NSD2: variants seen among roughly 807,000 people sequenced by gnomAD.
NSD2 encodes histone-lysine N-methyltransferase NSD2.
A neutral mutation model predicts 139.0 loss-of-function variants in NSD2; 12 were observed. The ratio of observed to expected loss-of-function variants is 0.09; its 90% CI spans 0.06 to 0.14. The LOEUF is 0.14. NSD2 is among the 10% of genes least tolerant of loss of function. The pLI is 1.00. For missense variants in NSD2, 1,155 were observed against 1,745.0 expected (o/e 0.66, Z 6.02); for synonymous variants, 669 against 648.7 (o/e 1.03, Z -0.48).
At chr4:1,887,458 GA>G in intron 1 of NSD2, 1 of 152,142 alleles carries the variant, frequency 6.6e-6, no homozygotes, top group Non-Finnish European at 1.5e-5. Flanking sequence ...TTGGTAGAGT[GA>G]CAAAGAATTA....
At chr4:1,954,020 C>T (rs866708252) in intron 12 of NSD2, among the ~76,000 whole-genome samples, 1 of 151,150 alleles carries the variant, frequency 6.6e-6, no homozygotes, top group African/African-American at 2.5e-5. Context: ...AAATCTCCCT[C>T]TGTTGCCCAG....
At position 1,951,057 on chromosome 4, in the gene NSD2, C is replaced by T. The variant is rs762403842; in HGVS notation, c.1882-15C>T. The T allele has an allele frequency of 1.9e-6, 3 of 1,613,686 alleles. No individual in the cohort carries two copies. Among genetic ancestry groups the T allele is most frequent in the Admixed American group, 1.7e-5 (1 of 60,002 alleles). Reference sequence around the variant, plus strand: ...CTGCGACTAGTGAACTGTCATCCGCCTCCTTCATCTCTAGGTCTCGGACAG... The same window carrying T: ...CTGCGACTAGTGAACTGTCATCCGCTTCCTTCATCTCTAGGTCTCGGACAG... On this transcript the variant is annotated splice_polypyrimidine_tract_variant and intron_variant, in intron 9 of 21. Coordinates refer to ENST00000508803, the MANE Select transcript of NSD2 (RefSeq NM_001042424.3).
In NSD2 at chr4:1,948,761, T is replaced by C. The variant is rs949714733; in HGVS notation, c.1882-2311T>C. On this transcript the variant is annotated intron_variant, in intron 9 of 21. Transcript: ENST00000508803. This position sits in a 1 kb window ranked among gnomAD's most constrained non-coding sequence, Gnocchi z 4.5. Reference sequence around the variant, plus strand: ...TGTTAATGTAGGAAATCTCTCCAAGTGGAAACGTGCTAACTTTTTCTGTAA... The same window carrying C: ...TGTTAATGTAGGAAATCTCTCCAAGCGGAAACGTGCTAACTTTTTCTGTAA... 6 of 1,046,106 alleles carry C rather than the reference T, an allele frequency of 5.7e-6. No individual in the cohort carries two copies. The highest frequency in any genetic ancestry group is 4.6e-6 in the Non-Finnish European group (4 of 866,254). The allele number at this position is 1,046,106 out of a possible 1,614,324, so 64.8% of individuals were successfully genotyped here. A position where few individuals can be genotyped will look rare whatever the true frequency, so the allele number is the denominator to read the frequency against.
intron 8 of NSD2, 61 bp downstream of exon 8, chr4:1,938,593 T>TTGGGGGGGCCCCGGGGGGGGGGGGGGGGG: frequency 1.9e-6 from 1 of 515,360 alleles, no homozygotes; most frequent in Non-Finnish European, 3.7e-6. Flanking sequence ...GCTGGGTGGG[T>TTGGGGGGGCCCCGGGGGGGGGGGGGGGGG]GGGCTGAGAG....
chr4:1,954,171 G>A (rs192738902), intron 12 of NSD2, among the ~76,000 whole-genome samples: 3 of 152,160 alleles, frequency 2.0e-5, no homozygotes, highest in Admixed American at 2.0e-4. Context: ...TTTTAGTAGA[G>A]ACGGGGTTTC....
intron 1 of NSD2, chr4:1,892,223 C>T (rs551652781): frequency 5.2e-5 from 8 of 152,424 alleles, no homozygotes; most frequent in Non-Finnish European, 7.3e-5. Context: ...TGGGCTCAAG[C>T]GATCCTCCTG....
chr4:1,939,608 C>T (rs1329160769), intron 8 of NSD2, 46 bp from the exon 9 acceptor site: 1 of 1,584,980 alleles, frequency 6.3e-7, no homozygotes. Context: ...GTAAAAAGAT[C>T]AAGGGTTTAT....
intron 1 of NSD2, among the ~76,000 whole-genome samples, chr4:1,881,543 G>A (rs1392849366): frequency 2.0e-5 from 3 of 152,104 alleles, no homozygotes; most frequent in Admixed American, 2.0e-4. Flanking sequence ...GATTACAGGC[G>A]TGAGCCACCG....
At chr4:1,939,887 C>T in intron 9 of NSD2, 109 bp downstream of exon 9, 2 of 1,583,080 alleles carry the variant, frequency 1.3e-6, no homozygotes, top group Non-Finnish European at 1.7e-6. Context: ...CATTGGTGCT[C>T]ACTGCCAGTG....
chr4:1,902,468 C>T (rs1329116624), intron 2 of NSD2, among the ~76,000 whole-genome samples: 1 of 152,116 alleles, frequency 6.6e-6, no homozygotes, highest in Non-Finnish European at 1.5e-5. Flanking sequence ...AAACGATCCT[C>T]CCACCTCTGC....
rs773445820 is a variant in NSD2, at chr4:1,974,771, CTTG to C, written c.3373-89_3373-87del. On this transcript the variant is annotated intron_variant, in intron 18 of 21. Coordinates refer to ENST00000508803, the MANE Select transcript of NSD2 (RefSeq NM_001042424.3). This position sits in a 1 kb window ranked among gnomAD's most constrained non-coding sequence, Gnocchi z 4.0. ...GTTTTCAGTACAACAAGGAACACAACTTGTTCAATGTGCTTTATGATGGTGAAA... is the reference window on the plus strand; with the variant it reads ...GTTTTCAGTACAACAAGGAACACAACTTCAATGTGCTTTATGATGGTGAAA... The C allele has an allele frequency of 6.4e-7, 1 of 1,562,782 alleles. No individual in the cohort carries two copies. The highest frequency in any genetic ancestry group is 1.7e-5 in the Admixed American group (1 of 59,730).
At chr4:1,930,544 C>T (rs538341690) in intron 5 of NSD2, 82 bp from the exon 6 acceptor site, 53 of 1,401,596 alleles carry the variant, frequency 3.8e-5, no homozygotes, top group Non-Finnish European at 4.8e-5. Context: ...TCTAAAGGGC[C>T]GTGCATTTGA....
intron 3 of NSD2, among the ~76,000 whole-genome samples, chr4:1,907,611 A>ATC (rs1192752954): frequency 2.3e-4 from 31 of 135,182 alleles, no homozygotes; most frequent in Non-Finnish European, 3.9e-4. Context: ...TACCTGTTGA[A>ATC]TCTCTTTTTT....
intron 3 of NSD2, among the ~76,000 whole-genome samples, chr4:1,905,963 C>G (rs1292221762): frequency 6.6e-6 from 1 of 152,188 alleles, no homozygotes; most frequent in African/African-American, 2.4e-5. Context: ...CTTCAAGCCT[C>G]TGCAGCCCGG....
At chr4:1,945,817 C>T (rs1000836710) in intron 9 of NSD2, 24 of 1,063,974 alleles carry the variant, frequency 2.3e-5, no homozygotes, top group Non-Finnish European at 2.6e-5. Flanking sequence ...ATTCCCCTCG[C>T]TGGAGAGGCT....
At chr4:1,893,302 T>A (rs1429755625) in intron 1 of NSD2, among the ~76,000 whole-genome samples, 3 of 152,128 alleles carry the variant, frequency 2.0e-5, no homozygotes, top group African/African-American at 7.2e-5. Context: ...ACCCCGTCTC[T>A]ACTAAAAGTA....
At chr4:1,960,922 A>G (rs1725301441) in intron 17 of NSD2, 113 bp from the exon 18 acceptor site, 5 of 723,234 alleles carry the variant, frequency 6.9e-6, no homozygotes, top group Non-Finnish European at 1.2e-5. Flanking sequence ...CCACGGAGGT[A>G]TGCTGATGTG....
At chr4:1,880,160 A>C (rs1282046436) in intron 1 of NSD2, among the ~76,000 whole-genome samples, 1 of 152,104 alleles carries the variant, frequency 6.6e-6, no homozygotes, top group Non-Finnish European at 1.5e-5. Context: ...CAAAATTCGG[A>C]GTTGGTGTAA....
At chr4:1,932,060 C>G (rs1721698248) in intron 6 of NSD2, among the ~76,000 whole-genome samples, 1 of 152,162 alleles carries the variant, frequency 6.6e-6, no homozygotes, top group Non-Finnish European at 1.5e-5. Flanking sequence ...GTCCTTTAAT[C>G]CTGACTTTCA....
Sources: gnomAD v4.1 joint callset for allele counts (sites outside exome capture counted in the v4.1 genomes callset) on GRCh38, gnomAD v4.1.1 for gene constraint, Gnocchi (gnomAD v3.1) non-coding constraint, MANE v1.5 for transcripts, NCBI Gene and HGNC (gene_info 2026-07-23, HGNC 2026-07-21) for gene names.